The following OXR1 variants were observed in gnomAD, a reference collection of about 807,000 sequenced individuals.
OXR1 encodes oxidation resistance 1, also known as oxidation resistance protein 1.
A neutral mutation model predicts 104.6 loss-of-function variants in OXR1; 41 were observed. That is an observed-to-expected ratio of 0.39 (90% CI 0.31 to 0.51). The LOEUF (loss-of-function observed/expected upper bound fraction) is 0.51, where lower values mean the gene tolerates loss of function less well. OXR1 is among the 20% of genes least tolerant of loss of function. The probability of loss-of-function intolerance (pLI) is 0.77; values close to 1 mark genes in which losing one functional copy is unlikely to be tolerated. For synonymous variants in OXR1, 348 were observed against 348.4 expected, an observed-to-expected ratio of 1.00 and a Z score of 0.01; for missense variants, 955 against 1,031.9, an observed-to-expected ratio of 0.93 and a Z score of 1.02.
intron 3 of OXR1, among the ~76,000 whole-genome samples, chr8:106,648,823 G>A (rs990705690): frequency 4.6e-5 from 7 of 152,044 alleles, no homozygotes; most frequent in South Asian, 2.1e-4. Context: ...AATTGAACTC[G>A]GAAACTGTAA....
chr8:106,694,776 TAC>T (rs374430808), intron 7 of OXR1, among the ~76,000 whole-genome samples: 9,015 of 111,042 alleles, frequency 0.081, 970 homozygotes, highest in East Asian at 0.26. Context: ...AATAGATAAA[TAC>T]ATATATATTT....
At chr8:106,730,246 G>A (rs191306743) in intron 11 of OXR1, among the ~76,000 whole-genome samples, 1 of 152,142 alleles carries the variant, frequency 6.6e-6, no homozygotes, top group Admixed American at 6.5e-5. Flanking sequence ...ATATTGTCAT[G>A]CAGAGTCTAT....
At chr8:106,507,690 G>C (rs375403141) in intron 2 of OXR1, among the ~76,000 whole-genome samples, 98 of 152,316 alleles carry the variant, frequency 6.4e-4, no homozygotes, top group African/African-American at 2.3e-3. Flanking sequence ...AAGTGTTTGC[G>C]CTGGGTGAAT....
chr8:106,293,215 G>A (rs1812830574), intron 1 of OXR1, among the ~76,000 whole-genome samples: 1 of 152,206 alleles, frequency 6.6e-6, no homozygotes, highest in Non-Finnish European at 1.5e-5. Context: ...AACAACATGA[G>A]AAGCTTGGGC....
chr8:106,686,622 A>T (rs1024420429), intron 6 of OXR1, among the ~76,000 whole-genome samples: 9 of 152,194 alleles, frequency 5.9e-5, no homozygotes, highest in Non-Finnish European at 1.3e-4. Flanking sequence ...TACACTAATT[A>T]AAATAATGTC....
chr8:106,293,675 T>C (rs1366401512), intron 1 of OXR1, among the ~76,000 whole-genome samples: 2 of 152,176 alleles, frequency 1.3e-5, no homozygotes, highest in Admixed American at 1.3e-4. Flanking sequence ...CTTCATCTGG[T>C]GAGGGCCTTT....
At chr8:106,613,843 AG>A (rs958835116) in intron 3 of OXR1, among the ~76,000 whole-genome samples, 1 of 152,224 alleles carries the variant, frequency 6.6e-6, no homozygotes, top group Non-Finnish European at 1.5e-5. Flanking sequence ...CAGAAAAACT[AG>A]ATGTTTTCTC....
intron 2 of OXR1, among the ~76,000 whole-genome samples, chr8:106,368,013 A>G (rs1816548576): frequency 6.6e-6 from 1 of 152,110 alleles, no homozygotes; most frequent in Admixed American, 6.5e-5. Flanking sequence ...GGCCAAGAGA[A>G]AGACTGGAGT....
At chr8:106,485,631 A>G in intron 2 of OXR1, among the ~76,000 whole-genome samples, 1 of 152,104 alleles carries the variant, frequency 6.6e-6, no homozygotes, top group East Asian at 1.9e-4. Flanking sequence ...TATATAGGCA[A>G]AGGATGCGAA....
chr8:106,383,284 A>G (rs1462041466), intron 2 of OXR1, among the ~76,000 whole-genome samples: 2 of 152,182 alleles, frequency 1.3e-5, no homozygotes, highest in African/African-American at 4.8e-5. Flanking sequence ...TAAAGTTTCC[A>G]TGAGTTTCAC....
chr8:106,293,681 C>G (rs552338448), intron 1 of OXR1, among the ~76,000 whole-genome samples: 11 of 152,248 alleles, frequency 7.2e-5, no homozygotes, highest in Admixed American at 4.6e-4. Context: ...CTGGTGAGGG[C>G]CTTTTTACTG....
rs534016405 is a variant in OXR1, at chr8:106,694,081, T to A, written c.675+1204T>A. Among the ~76,000 whole-genome samples the A allele has an allele frequency of 3.3e-5, 5 of 152,258 alleles. No individual in the cohort carries two copies. The South Asian group carries it at 1.0e-3, about 32-fold the overall frequency. On this transcript the variant is annotated intron_variant, in intron 7 of 16. Coordinates refer to ENST00000517566, the MANE Select transcript of OXR1 (RefSeq NM_001198533.2). ...TTTTATTTTTCTAGATAACTGTCTT[T>A]TACTAATTTCTAATTCGATTCTGTG...
At chr8:106,694,793 GATAA>G (rs1829755017) in intron 7 of OXR1, among the ~76,000 whole-genome samples, 1 of 103,058 alleles carries the variant, frequency 9.7e-6, no homozygotes, top group African/African-American at 3.8e-5. Flanking sequence ...ATATTTAATA[GATAA>G]ATACATATAT....
Position 106,388,541 on chromosome 8 carries a change from G to C in OXR1, c.23+28905G>C, listed in dbSNP as rs370378552. Among the ~76,000 whole-genome samples, 505 of 152,068 alleles carry C rather than the reference G, an allele frequency of 3.3e-3. 2 individuals are homozygous for C. The highest frequency in any genetic ancestry group is 0.012 in the African/African-American group (490 of 41,480). On this transcript the variant is annotated intron_variant, in intron 2 of 16. Transcript: ENST00000517566. ...TGGTTCAAGCGATTCTCCTGCCTCA[G>C]CCTCCCGAGTAGCTGGGATTACAGG...
chr8:106,707,442 G>A (rs1396223377), intron 9 of OXR1: 1 of 546,416 alleles, frequency 1.8e-6, no homozygotes, highest in African/African-American at 1.9e-5. Flanking sequence ...CACAAAAGCT[G>A]TATAATACCT....
At chr8:106,600,704 G>A (rs1819906269) in intron 3 of OXR1, among the ~76,000 whole-genome samples, 1 of 152,114 alleles carries the variant, frequency 6.6e-6, no homozygotes, top group Non-Finnish European at 1.5e-5. Flanking sequence ...TTTCAGAACT[G>A]TACAATGTGA....
intron 11 of OXR1, 41 bp downstream of exon 11, chr8:106,714,026 T>A: frequency 6.9e-7 from 1 of 1,446,800 alleles, no homozygotes. Flanking sequence ...TCTTTTTAGT[T>A]TGTATGAATT....
chr8:106,704,807 G>A (rs1435521699), intron 8 of OXR1, among the ~76,000 whole-genome samples: 3 of 151,894 alleles, frequency 2.0e-5, no homozygotes, highest in Non-Finnish European at 4.4e-5. Flanking sequence ...TCACTGTTTT[G>A]TCATTCATTG....
intron 11 of OXR1, among the ~76,000 whole-genome samples, chr8:106,724,478 G>GA (rs2131479479): frequency 6.6e-6 from 1 of 152,302 alleles, no homozygotes; most frequent in African/African-American, 2.4e-5. Flanking sequence ...TCGAGAAACA[G>GA]AAAACCACAC....
Sources: allele counts gnomAD v4.1 joint callset (sites outside exome capture counted in the v4.1 genomes callset), GRCh38; gene constraint gnomAD v4.1.1; transcripts MANE v1.5; gene names NCBI Gene and HGNC (gene_info 2026-07-23, HGNC 2026-07-21).